Variants in ADAMTS9 observed in about 807,000 individuals in gnomAD.
ADAMTS9 encodes the protein A disintegrin and metalloproteinase with thrombospondin motifs 9.
In ADAMTS9, 107 loss-of-function variants were observed where a neutral mutation model predicts 257.1. The ratio of observed to expected loss-of-function variants is 0.42; its 90% confidence interval spans 0.36 to 0.49. The LOEUF is 0.49. Among genes scored for constraint, ADAMTS9 ranks in the 20% least tolerant of loss-of-function variants. The pLI is 0.03. For synonymous variants in ADAMTS9, 982 were observed against 880.9 expected, an observed-to-expected ratio of 1.11 and a Z score of -2.03; for missense variants, 2,353 against 2,469.1, an observed-to-expected ratio of 0.95 and a Z score of 1.00.
intron 38 of ADAMTS9, among the ~76,000 whole-genome samples, chr3:64,527,285 T>C (rs762865676): frequency 2.0e-5 from 3 of 152,242 alleles, no homozygotes; most frequent in African/African-American, 4.8e-5. Context: ...AATGAATGAA[T>C]CTCTGTTCCA....
intron 12 of ADAMTS9, among the ~76,000 whole-genome samples, chr3:64,639,927 C>T (rs749024603): frequency 6.6e-6 from 1 of 152,092 alleles, no homozygotes; most frequent in Non-Finnish European, 1.5e-5. Flanking sequence ...TCTGAAATGA[C>T]ACACACTGAA....
At chr3:64,630,397 C>T (rs948745434) in intron 16 of ADAMTS9, among the ~76,000 whole-genome samples, 4 of 152,112 alleles carry the variant, frequency 2.6e-5, no homozygotes, top group African/African-American at 9.7e-5. Flanking sequence ...GACATCATCT[C>T]TATAAATAAG....
At chr3:64,563,237 A>T (rs542265528) in intron 29 of ADAMTS9, 4 of 152,298 alleles carry the variant, frequency 2.6e-5, no homozygotes, top group African/African-American at 9.6e-5. Context: ...TTACACTGGA[A>T]AAGAATGTAC....
intron 2 of ADAMTS9, among the ~76,000 whole-genome samples, chr3:64,682,408 C>G (rs1701781090): frequency 6.6e-6 from 1 of 152,148 alleles, no homozygotes; most frequent in Non-Finnish European, 1.5e-5. Context: ...TTCTAAGCAC[C>G]TTGCAAGTCA....
At chr3:64,598,959 C>A (rs1235032923) in intron 26 of ADAMTS9, among the ~76,000 whole-genome samples, 1 of 151,858 alleles carries the variant, frequency 6.6e-6, no homozygotes, top group East Asian at 1.9e-4. Context: ...CTGGAAGAAA[C>A]AGCTCTAGAA....
chr3:64,518,674 CAG>C (rs1203532806), intron 39 of ADAMTS9, among the ~76,000 whole-genome samples: 1 of 151,380 alleles, frequency 6.6e-6, no homozygotes, highest in African/African-American at 2.4e-5. Flanking sequence ...CCATGAGTAA[CAG>C]GGGTGTGGCA....
At chr3:64,568,070 A>T (rs2083585701) in intron 29 of ADAMTS9, among the ~76,000 whole-genome samples, 1 of 152,230 alleles carries the variant, frequency 6.6e-6, no homozygotes, top group South Asian at 2.1e-4. Context: ...TGATAATGCA[A>T]TGCCATCAGT....
intron 30 of ADAMTS9, among the ~76,000 whole-genome samples, chr3:64,551,286 T>C (rs964819799): frequency 6.6e-6 from 1 of 152,202 alleles, no homozygotes; most frequent in South Asian, 2.1e-4. Flanking sequence ...CTTGGCTCAC[T>C]GCAAGCTCTG....
chr3:64,600,504 A>T (rs1404957087), intron 26 of ADAMTS9, among the ~76,000 whole-genome samples: 1 of 152,258 alleles, frequency 6.6e-6, no homozygotes. Flanking sequence ...CATCATCCCC[A>T]AATGTAGTCC....
chr3:64,613,070 G>A (rs561676335), intron 22 of ADAMTS9, among the ~76,000 whole-genome samples: 4 of 152,146 alleles, frequency 2.6e-5, no homozygotes, highest in Non-Finnish European at 4.4e-5. Context: ...AATCTGTTGT[G>A]AATTTGTTCA....
At chr3:64,565,813 G>A (rs1453849364) in intron 29 of ADAMTS9, 1 of 152,068 alleles carries the variant, frequency 6.6e-6, no homozygotes, top group Non-Finnish European at 1.5e-5. Flanking sequence ...TCTTTTTGGA[G>A]AGAGAAAAAC....
intron 10 of ADAMTS9, among the ~76,000 whole-genome samples, 170 bp downstream of exon 10, chr3:64,649,467 C>T (rs1700877477): frequency 1.3e-5 from 2 of 152,166 alleles, no homozygotes; most frequent in Non-Finnish European, 2.9e-5. Context: ...TAACACTGAG[C>T]AGCAGTACTG....
At chr3:64,599,194 G>C (rs1274170081) in intron 26 of ADAMTS9, among the ~76,000 whole-genome samples, 4 of 152,276 alleles carry the variant, frequency 2.6e-5, no homozygotes, top group Admixed American at 2.6e-4. Context: ...CCCACAGACA[G>C]ATGAAGTATT....
intron 38 of ADAMTS9, among the ~76,000 whole-genome samples, chr3:64,527,416 T>C (rs2082924194): frequency 6.6e-6 from 1 of 152,198 alleles, no homozygotes; most frequent in African/African-American, 2.4e-5. Flanking sequence ...TGGAGTGTGC[T>C]AATTTAAAGA....
chr3:64,645,482 A>G (rs997078215), intron 11 of ADAMTS9, among the ~76,000 whole-genome samples: 1 of 152,160 alleles, frequency 6.6e-6, no homozygotes, highest in African/African-American at 2.4e-5. Context: ...AGAAAGAAAA[A>G]ACATTAACCC....
intron 39 of ADAMTS9, among the ~76,000 whole-genome samples, chr3:64,517,415 G>GTTTTTTTTTTTTTTTTTTTTTTTTTT (rs1242670245): frequency 8.7e-5 from 1 of 11,544 alleles, no homozygotes; most frequent in Non-Finnish European, 3.0e-4. Context: ...AATTAAAAAT[G>GTTTTTTTTTTTTTTTTTTTTTTTTTT]GTTTTTTTTT....
At chr3:64,517,623 A>G (rs1434223670) in intron 39 of ADAMTS9, among the ~76,000 whole-genome samples, 1 of 151,740 alleles carries the variant, frequency 6.6e-6, no homozygotes, top group Non-Finnish European at 1.5e-5. Flanking sequence ...GTAATAAACA[A>G]TAAAATTTAA....
At chr3:64,590,403 C>A (rs2084239363) in intron 28 of ADAMTS9, among the ~76,000 whole-genome samples, 2 of 152,096 alleles carry the variant, frequency 1.3e-5, no homozygotes, top group Admixed American at 1.3e-4. Flanking sequence ...CCTTTACAGT[C>A]TGCTGATAAA....
intron 11 of ADAMTS9, among the ~76,000 whole-genome samples, chr3:64,646,751 C>T (rs892842927): frequency 6.6e-6 from 1 of 152,158 alleles, no homozygotes; most frequent in Non-Finnish European, 1.5e-5. Flanking sequence ...ACTAGTCTTC[C>T]TCTTTGACCA....
Sources: gnomAD v4.1 joint callset for allele counts (sites outside exome capture counted in the v4.1 genomes callset) on GRCh38, gnomAD v4.1.1 for gene constraint, MANE v1.5 for transcripts, NCBI Gene and HGNC (gene_info 2026-07-23, HGNC 2026-07-21) for gene names.